The following TP53INP1 variants were observed in gnomAD, a reference collection of about 807,000 sequenced individuals.
TP53INP1 encodes tumor protein p53-inducible nuclear protein 1.
In TP53INP1, 12 loss-of-function variants were observed where a neutral mutation model predicts 21.0. That is an observed-to-expected ratio of 0.57 (90% confidence interval 0.37 to 0.93). The LOEUF is 0.93. TP53INP1 is among the 40% of genes least tolerant of loss of function. The pLI is 0.01. For synonymous variants in TP53INP1, 91 were observed against 94.8 expected, an observed-to-expected ratio of 0.96 and a Z score of 0.23; for missense variants, 274 against 294.7, an observed-to-expected ratio of 0.93 and a Z score of 0.51.
chr8:94,930,228 CT>C lies in TP53INP1; in HGVS notation c.*250del. On this transcript the variant is annotated 3_prime_UTR_variant, in exon 4 of 4. Transcript: ENST00000342697. ...ATATATTTAAAGACACCCCCAAACA[CT>C]GTAATTATATTGATATGTTTCCAGA... is the stretch of plus-strand genomic sequence containing the variant. 1 of 486,496 alleles carries C rather than the reference CT, an allele frequency of 2.1e-6. No homozygotes were observed. The highest frequency in any genetic ancestry group is 3.6e-6 in the Non-Finnish European group (1 of 277,352). The allele number at this position is 486,496 out of a possible 1,614,324, so 30.1% of individuals were successfully genotyped here. A position where few individuals can be genotyped will look rare whatever the true frequency, so the allele number is the denominator to read the frequency against.
intron 3 of TP53INP1, among the ~76,000 whole-genome samples, chr8:94,938,722 C>G (rs1821231840): frequency 6.6e-6 from 1 of 152,230 alleles, no homozygotes; most frequent in Non-Finnish European, 1.5e-5. Context: ...GTGGGGTGCA[C>G]AGAGGGCATG....
intron 2 of TP53INP1, 129 bp downstream of exon 2, chr8:94,940,701 A>G: frequency 1.5e-6 from 1 of 661,902 alleles, no homozygotes; most frequent in Non-Finnish European, 2.5e-6. Flanking sequence ...GCAATTTTTT[A>G]AAGACAAACT....
At chr8:94,943,288 A>C (rs1332616083) in intron 1 of TP53INP1, among the ~76,000 whole-genome samples, 1 of 152,176 alleles carries the variant, frequency 6.6e-6, no homozygotes, top group East Asian at 1.9e-4. Flanking sequence ...TAGGAGTTGG[A>C]GACCAGCCTA....
At position 94,930,377 on chromosome 8, in the gene TP53INP1, T is replaced by C; in HGVS notation, c.*102A>G. 6.8e-7 allele frequency: 1 copy of C among 1,480,654 alleles called. No individual in the cohort carries two copies. Among genetic ancestry groups the C allele is most frequent in the Non-Finnish European group, 9.2e-7 (1 of 1,088,880 alleles). The allele number at this position is 1,480,654 out of a possible 1,614,324, so 91.7% of individuals were successfully genotyped here. ...ACACTGATAAAACTATGTGATTGGT[T>C]ATCAATTGGTTGTAAAGAGACAACA... On this transcript the variant is annotated 3_prime_UTR_variant, in exon 4 of 4. Transcript: ENST00000342697.
At chr8:94,946,696 C>CAA (rs71273438) in intron 1 of TP53INP1, among the ~76,000 whole-genome samples, 8,790 of 34,644 alleles carry the variant, frequency 0.25, 2,037 homozygotes, top group South Asian at 0.31. Flanking sequence ...GACCCTGTCT[C>CAA]AAAAAAAAAA....
At chr8:94,936,430 G>C (rs762142737) in intron 3 of TP53INP1, among the ~76,000 whole-genome samples, 5 of 152,324 alleles carry the variant, frequency 3.3e-5, no homozygotes, top group Non-Finnish European at 4.4e-5. Context: ...GACTGACAAA[G>C]AGCTGCTTGG....
In TP53INP1 at chr8:94,932,809, A is replaced by T. The variant is rs529735057; in HGVS notation, c.474-2081T>A. 1.1e-4 allele frequency among the ~76,000 whole-genome samples: 16 copies of T among 149,572 alleles called. No homozygotes were observed. The East Asian group carries it at 1.6e-3, about 15-fold the overall frequency. On this transcript the variant is annotated intron_variant, in intron 3 of 3. Transcript: ENST00000342697. ...AGGAGCGAGACTCCGTCTCAAAAAT[A>T]AAAAAAAAAGAATTTCAAATCCCAA...
At chr8:94,946,714 A>AAAAAAAAAAAAAAAAAAAC (rs1822045555) in intron 1 of TP53INP1, among the ~76,000 whole-genome samples, 1 of 148,868 alleles carries the variant, frequency 6.7e-6, no homozygotes, top group Non-Finnish European at 1.5e-5. Context: ...AAAAAAAAAA[A>AAAAAAAAAAAAAAAAAAAC]AAAAAAGACA....
intron 1 of TP53INP1, among the ~76,000 whole-genome samples, chr8:94,943,088 G>C (rs1821698817): frequency 6.6e-6 from 1 of 152,216 alleles, no homozygotes; most frequent in African/African-American, 2.4e-5. Flanking sequence ...TGCAGTTGGA[G>C]ATGTCCAGCA....
chr8:94,927,238 G>A lies in TP53INP1; in HGVS notation c.*3241C>T, dbSNP rs1819973581. The A allele has an allele frequency of 6.6e-6, 1 of 152,492 alleles. No individual in the cohort carries two copies. Among genetic ancestry groups the A allele is most frequent in the African/African-American group, 2.4e-5 (1 of 41,390 alleles). 9.4% of individuals were successfully genotyped at this position (152,492 alleles called of 1,614,324 possible). On this transcript the variant is annotated 3_prime_UTR_variant, in exon 4 of 4. Coordinates refer to ENST00000342697, the MANE Select transcript of TP53INP1 (RefSeq NM_033285.4). ...ATAATGAAGATACTCTTCCTTGCTC[G>A]TTTTTCTTAAGAGTACATAAAGATA... is the stretch of plus-strand genomic sequence containing the variant.
At chr8:94,932,583 C>T (rs557098328) in intron 3 of TP53INP1, among the ~76,000 whole-genome samples, 1 of 152,072 alleles carries the variant, frequency 6.6e-6, no homozygotes, top group Non-Finnish European at 1.5e-5. Flanking sequence ...GCGGGCGGAT[C>T]GTGAGGTCAG....
chr8:94,933,813 G>A (rs148202541), intron 3 of TP53INP1, among the ~76,000 whole-genome samples: 2,270 of 120,476 alleles, frequency 0.019, 28 homozygotes, highest in African/African-American at 0.027. Flanking sequence ...GGTGGCTCAT[G>A]CCTGTAATCC....
chr8:94,937,095 C>CA (rs1821052473), intron 3 of TP53INP1, among the ~76,000 whole-genome samples: 1 of 151,914 alleles, frequency 6.6e-6, no homozygotes, highest in South Asian at 2.1e-4. Context: ...CTCAGAGTGC[C>CA]AAAAAAACCT....
chr8:94,940,757 T>A, intron 2 of TP53INP1, 73 bp downstream of exon 2: 1 of 1,156,842 alleles, frequency 8.6e-7, no homozygotes, highest in Non-Finnish European at 1.3e-6. Flanking sequence ...TTGGTTTCCT[T>A]ATGCAAAAAC....
rs1822322636 is a variant in TP53INP1, at chr8:94,949,173, G to C, written c.-170C>G. ...ACTTACGTGGGCCCGGGCCGTGCGG[G>C]GCTGCGCGGGGAAGGGAGCGGCCGC... On this transcript the variant is annotated 5_prime_UTR_variant, in exon 1 of 4. Transcript: ENST00000342697. 6.6e-6 allele frequency: 1 copy of C among 150,772 alleles called. No individual in the cohort carries two copies. The highest frequency in any genetic ancestry group is 1.5e-5 in the Non-Finnish European group (1 of 67,746). 9.3% of individuals were successfully genotyped at this position (150,772 alleles called of 1,614,324 possible).
intron 1 of TP53INP1, among the ~76,000 whole-genome samples, chr8:94,942,182 G>A (rs1821603616): frequency 6.6e-6 from 1 of 151,652 alleles, no homozygotes; most frequent in African/African-American, 2.4e-5. Context: ...GACTACAGGC[G>A]CCCACCACCA....
At chr8:94,947,285 A>T (rs1438443386) in intron 1 of TP53INP1, among the ~76,000 whole-genome samples, 15 of 8,442 alleles carry the variant, frequency 1.8e-3, no homozygotes, top group East Asian at 0.029. Flanking sequence ...AAAAAATATT[A>T]AAAAAAAAAA....
chr8:94,931,747 G>A (rs1247710667), intron 3 of TP53INP1, among the ~76,000 whole-genome samples: 3 of 152,170 alleles, frequency 2.0e-5, no homozygotes, highest in Non-Finnish European at 4.4e-5. Flanking sequence ...GGCTGAGGCA[G>A]GTGGATCACC....
chr8:94,935,427 T>C lies in TP53INP1; in HGVS notation c.473+4433A>G, dbSNP rs369010085. Among the ~76,000 whole-genome samples the C allele has an allele frequency of 8.5e-5, 13 of 152,224 alleles. No homozygotes were observed. In the East Asian group the frequency reaches 1.5e-3, roughly 18 times the overall value. On this transcript the variant is annotated intron_variant, in intron 3 of 3. Transcript: ENST00000342697. ...AGCAATCTCAGATATTTCCTAGCTATATTCTCTGGACAAAGGTCATATGAT... is the reference window on the plus strand; with the variant it reads ...AGCAATCTCAGATATTTCCTAGCTACATTCTCTGGACAAAGGTCATATGAT...
Sources: allele counts gnomAD v4.1 joint callset (sites outside exome capture counted in the v4.1 genomes callset), GRCh38; gene constraint gnomAD v4.1.1; transcripts MANE v1.5; gene names NCBI Gene and HGNC (gene_info 2026-07-23, HGNC 2026-07-21).